PICALM: variants seen among roughly 807,000 people sequenced by gnomAD.
PICALM encodes the protein phosphatidylinositol binding clathrin assembly protein, also known as phosphatidylinositol-binding clathrin assembly protein.
Under a neutral mutation model 80.5 loss-of-function variants are expected in PICALM, and 40 were observed. The observed-to-expected ratio is 0.50, with a 90% CI of 0.39 to 0.65. The LOEUF is 0.65. Ranked by LOEUF, PICALM falls within the 30% of genes least tolerant of loss-of-function variation. The pLI, the probability that PICALM is intolerant of heterozygous loss-of-function variation, is 0.00. For synonymous variants in PICALM, 288 were observed against 260.3 expected, an observed-to-expected ratio of 1.11 and a Z score of -1.02; for missense variants, 676 against 778.9, an observed-to-expected ratio of 0.87 and a Z score of 1.57.
chr11:85,986,394 T>G, intron 13 of PICALM, among the ~76,000 whole-genome samples: 1 of 62,426 alleles, frequency 1.6e-5, no homozygotes, highest in African/African-American at 6.6e-5. Context: ...TTTTTTTTTT[T>G]TTTTTTTGAG....
intron 3 of PICALM, among the ~76,000 whole-genome samples, chr11:86,022,799 A>T (rs77809384): frequency 2.5e-5 from 1 of 39,710 alleles, no homozygotes; most frequent in Non-Finnish European, 5.2e-5. Flanking sequence ...TGATAATCTC[A>T]CAACTCAAAT....
At chr11:85,969,569 C>A in intron 19 of PICALM, 1 of 274,088 alleles carries the variant, frequency 3.6e-6, no homozygotes, top group South Asian at 3.0e-5. Flanking sequence ...TAAGAAAAAT[C>A]TTTTGGTTTC....
chr11:86,020,858 C>T (rs1279751881), intron 4 of PICALM, among the ~76,000 whole-genome samples: 1 of 151,902 alleles, frequency 6.6e-6, no homozygotes, highest in South Asian at 2.1e-4. Context: ...AAAGTACAAG[C>T]AACCAAAGGA....
At chr11:86,000,877 T>A (rs542069889) in intron 10 of PICALM, 98 bp from the exon 11 acceptor site, 40 of 1,499,308 alleles carry the variant, frequency 2.7e-5, no homozygotes, top group Non-Finnish European at 3.4e-5. Context: ...ATAGCAGATA[T>A]TCTGTTTTAC....
intron 14 of PICALM, among the ~76,000 whole-genome samples, chr11:85,982,708 T>G (rs1425020410): frequency 2.7e-5 from 4 of 150,934 alleles, no homozygotes; most frequent in Admixed American, 2.0e-4. Flanking sequence ...ATTACAGGCG[T>G]GAGCCACCGC....
At chr11:86,058,258 A>G (rs868275364) in intron 1 of PICALM, among the ~76,000 whole-genome samples, 3 of 152,216 alleles carry the variant, frequency 2.0e-5, no homozygotes, top group African/African-American at 7.2e-5. Flanking sequence ...CCCCACAAAG[A>G]TGACCCTTGA....
At chr11:86,059,179 T>A (rs2096316274) in intron 1 of PICALM, among the ~76,000 whole-genome samples, 1 of 152,186 alleles carries the variant, frequency 6.6e-6, no homozygotes, top group South Asian at 2.1e-4. Context: ...GATTTTTATG[T>A]CCATAAATTG....
chr11:85,997,772 CTTTT>C (rs1442007194), intron 11 of PICALM, among the ~76,000 whole-genome samples: 1 of 151,348 alleles, frequency 6.6e-6, no homozygotes, highest in African/African-American at 2.4e-5. Flanking sequence ...TGCTCAGCCT[CTTTT>C]TTTGTTGTTG....
chr11:85,986,569 T>C (rs943435911), intron 13 of PICALM, among the ~76,000 whole-genome samples: 1 of 150,354 alleles, frequency 6.7e-6, no homozygotes, highest in Non-Finnish European at 1.5e-5. Context: ...TTTTTGTATT[T>C]TTAGTAGAGA....
At chr11:85,982,505 GCAAGCTC>G (rs1555034314) in intron 14 of PICALM, among the ~76,000 whole-genome samples, 7 of 130,148 alleles carry the variant, frequency 5.4e-5, no homozygotes, top group Non-Finnish European at 9.3e-5. Context: ...TCGGCTCACT[GCAAGCTC>G]CACTTCCTGG....
chr11:86,048,354 C>T (rs537805504), intron 1 of PICALM, among the ~76,000 whole-genome samples: 76 of 152,198 alleles, frequency 5.0e-4, no homozygotes, highest in Non-Finnish European at 9.7e-4. Flanking sequence ...GTGCCTTGAT[C>T]CACTCTAGGT....
At chr11:85,993,421 T>C (rs1415836704) in intron 12 of PICALM, among the ~76,000 whole-genome samples, 1 of 152,032 alleles carries the variant, frequency 6.6e-6, no homozygotes, top group African/African-American at 2.4e-5. Flanking sequence ...CCTTTTTTTT[T>C]CATTATTCAT....
intron 19 of PICALM, chr11:85,960,883 C>T: frequency 2.6e-6 from 1 of 391,210 alleles, no homozygotes; most frequent in Non-Finnish European, 4.4e-6. Flanking sequence ...GTTTTGTCAT[C>T]TTTAATAAAT....
intron 1 of PICALM, among the ~76,000 whole-genome samples, chr11:86,032,614 A>G (rs1005755386): frequency 2.0e-5 from 3 of 152,198 alleles, no homozygotes; most frequent in African/African-American, 7.2e-5. Flanking sequence ...CAACAGAGTG[A>G]GACTCTGCCT....
At position 86,000,774 on chromosome 11, in the gene PICALM, C is replaced by T. The variant is rs372267972; in HGVS notation, c.1023G>A (p.Gln341=). 9 of 1,612,376 alleles carry T rather than the reference C, an allele frequency of 5.6e-6. No homozygotes were observed. The highest frequency in any genetic ancestry group is 1.3e-5 in the African/African-American group (1 of 74,848). ...GTTTCTTTGCAAGTTCTTTTAGGCG[C>T]TGTTCCTGTTAAGAAAGGGAACTAC... ...EQARLKALKE[Q]RLKELAKKPH... Residue 341 remains glutamine (Q), a synonymous_variant, in exon 11 of 20, where the codon CAG becomes CAA. Transcript: ENST00000393346.
chr11:86,058,005 T>G (rs1324733755), intron 1 of PICALM, among the ~76,000 whole-genome samples: 1 of 152,218 alleles, frequency 6.6e-6, no homozygotes, highest in African/African-American at 2.4e-5. Context: ...TGCTAATGTT[T>G]CAAATTATTC....
intron 9 of PICALM, 133 bp from the exon 10 acceptor site, chr11:86,001,291 A>C: frequency 1.3e-6 from 1 of 788,764 alleles, no homozygotes; most frequent in Middle Eastern, 2.4e-4. Flanking sequence ...ATTCAAATCC[A>C]GTACTTCAGA....
chr11:86,047,817 C>T (rs993249239), intron 1 of PICALM, among the ~76,000 whole-genome samples: 6 of 152,186 alleles, frequency 3.9e-5, no homozygotes, highest in East Asian at 3.9e-4. Context: ...AAAACGTTTC[C>T]GGCTGGGTGC....
At chr11:85,988,745 T>C (rs903278557) in intron 13 of PICALM, among the ~76,000 whole-genome samples, 1 of 151,918 alleles carries the variant, frequency 6.6e-6, no homozygotes, top group African/African-American at 2.4e-5. Context: ...AAACAAAAAA[T>C]GGGGGGAGCC....
Sources: allele counts gnomAD v4.1 joint callset (sites outside exome capture counted in the v4.1 genomes callset), GRCh38; gene constraint gnomAD v4.1.1; transcripts MANE v1.5; gene names NCBI Gene and HGNC (gene_info 2026-07-23, HGNC 2026-07-21).